Variants in UBAP2 observed in about 807,000 individuals in gnomAD.
The protein encoded by UBAP2 is ubiquitin associated protein 2.
A neutral mutation model predicts 139.6 loss-of-function variants in UBAP2; 75 were observed. That is an observed-to-expected ratio of 0.54 (90% CI 0.45 to 0.65). The LOEUF is 0.65. Ranked by LOEUF, UBAP2 falls within the 30% of genes least tolerant of loss-of-function variation. The pLI, the probability that UBAP2 is intolerant of heterozygous loss-of-function variation, is 0.00. For synonymous variants in UBAP2, 526 were observed against 526.2 expected, an observed-to-expected ratio of 1.00 and a Z score of 0.01; for missense variants, 1,368 against 1,369.6, an observed-to-expected ratio of 1.00 and a Z score of 0.02.
intron 8 of UBAP2, among the ~76,000 whole-genome samples, chr9:33,968,678 A>G (rs749951342): frequency 1.3e-5 from 2 of 152,212 alleles, no homozygotes; most frequent in Non-Finnish European, 2.9e-5. Context: ...TAATTTCTAT[A>G]TTTTTATATA....
chr9:33,957,483 G>T (rs1205323330), intron 10 of UBAP2, among the ~76,000 whole-genome samples: 1 of 152,102 alleles, frequency 6.6e-6, no homozygotes, highest in East Asian at 1.9e-4. Context: ...GCATTTTCTA[G>T]AATTTTAAAT....
At position 33,922,957 on chromosome 9, in the gene UBAP2, G is replaced by C; in HGVS notation, c.3072+9C>G. On this transcript the variant is annotated intron_variant, in intron 27 of 28. Transcript: ENST00000379238. ...AAACCTATACACCCAACCCACCTTT[G>C]TCCCTCACCTGTGTCTTATTGTAGA... is the stretch of plus-strand genomic sequence containing the variant. 4 of 1,614,156 alleles carry C rather than the reference G, an allele frequency of 2.5e-6. No homozygotes were observed. Among genetic ancestry groups the C allele is most frequent in the Non-Finnish European group, 8.5e-7 (1 of 1,180,012 alleles).
intron 8 of UBAP2, among the ~76,000 whole-genome samples, chr9:33,965,883 C>T (rs1042740439): frequency 7.2e-5 from 11 of 151,952 alleles, no homozygotes; most frequent in Admixed American, 7.2e-4. Context: ...CCCGTCTCTA[C>T]TAAAAATACA....
Position 33,996,333 on chromosome 9 carries a change from G to A in UBAP2, c.178C>T (p.Leu60Phe). The A allele has an allele frequency of 6.2e-7, 1 of 1,609,408 alleles. No homozygotes were observed. The highest frequency in any genetic ancestry group is 8.5e-7 in the Non-Finnish European group (1 of 1,176,876). The stretch of plus-strand genomic sequence containing the variant: ...TGATTTTTCCCTGTCACTTCCATAA[G>A]CTAGTGAACATATCAGAAAATGGTT... Reference protein sequence around the residue: ...DSDFEAKVKQLMEVTGKNQDE... With the variant: ...DSDFEAKVKQFMEVTGKNQDE... Residue 60 changes from leucine (L) to phenylalanine (F), a missense_variant and splice_region_variant, in exon 4 of 29, where the codon CTT (leucine) becomes TTT (phenylalanine). By Grantham distance (22) the Leu-to-Phe change is conservative. Coordinates refer to ENST00000379238, the MANE Select transcript of UBAP2 (RefSeq NM_001370062.2).
chr9:33,941,783 T>C lies in UBAP2; in HGVS notation c.1795A>G (p.Ser599Gly), dbSNP rs2058794332. The change falls in exon 16 of 29, where the codon AGT becomes GGT. Residue 599 changes from serine to glycine, a missense_variant. Transcript: ENST00000379238. ...GAATTCAGTGATGAGCTTGTCAGACTGCAGGAGGTAATGACGGAAGTTGTA... is the reference window on the plus strand; with the variant it reads ...GAATTCAGTGATGAGCTTGTCAGACCGCAGGAGGTAATGACGGAAGTTGTA... ...TYTTSVITSC[S>G]LTSSSLNSAS... The C allele has an allele frequency of 1.2e-6, 2 of 1,614,030 alleles. No homozygotes were observed. The highest frequency in any genetic ancestry group is 1.3e-5 in the African/African-American group (1 of 74,924).
chr9:34,040,717 T>C (rs1675255735), intron 1 of UBAP2, among the ~76,000 whole-genome samples: 1 of 152,208 alleles, frequency 6.6e-6, no homozygotes, highest in South Asian at 2.1e-4. Flanking sequence ...GGCAAGGATG[T>C]AGAACTCTTA....
intron 6 of UBAP2, among the ~76,000 whole-genome samples, chr9:33,984,542 G>A (rs1303116457): frequency 6.6e-6 from 1 of 151,716 alleles, no homozygotes; most frequent in African/African-American, 2.4e-5. Context: ...CAGGCATGGT[G>A]GGGCTCATGC....
At chr9:33,994,658 A>G (rs1017550152) in intron 4 of UBAP2, 3 of 147,924 alleles carry the variant, frequency 2.0e-5, no homozygotes, top group African/African-American at 7.4e-5. Context: ...ATCATATAAT[A>G]TGGTTTTCCC....
At chr9:34,011,827 G>A (rs1420982825) in intron 2 of UBAP2, among the ~76,000 whole-genome samples, 1 of 152,100 alleles carries the variant, frequency 6.6e-6, no homozygotes, top group African/African-American at 2.4e-5. Flanking sequence ...CTCTTCCTCT[G>A]GATCTCTTAC....
intron 2 of UBAP2, among the ~76,000 whole-genome samples, chr9:34,007,831 C>CG (rs1475650739): frequency 5.3e-5 from 8 of 151,664 alleles, no homozygotes; most frequent in Non-Finnish European, 1.0e-4. Flanking sequence ...ATAATAGAGT[C>CG]GGGGTTTCAC....
intron 2 of UBAP2, among the ~76,000 whole-genome samples, chr9:33,999,315 TA>T (rs1822482922): frequency 6.7e-6 from 1 of 148,752 alleles, no homozygotes; most frequent in Admixed American, 6.7e-5. Flanking sequence ...ATTTAATTTT[TA>T]AAAAGATTAA....
intron 13 of UBAP2, 80 bp from the exon 14 acceptor site, chr9:33,944,719 A>T: frequency 6.9e-7 from 1 of 1,458,444 alleles, no homozygotes; most frequent in Non-Finnish European, 9.3e-7. Flanking sequence ...TTCTATTACC[A>T]CCAATTTCTC....
intron 19 of UBAP2, 35 bp downstream of exon 19, chr9:33,932,527 A>C: frequency 3.7e-6 from 6 of 1,611,862 alleles, no homozygotes; most frequent in Non-Finnish European, 5.1e-6. Context: ...CTCCCCAAGC[A>C]TGGCGGAGGA....
chr9:33,986,988 G>C (rs1821273457), intron 5 of UBAP2, 151 bp from the exon 6 acceptor site: 1 of 714,504 alleles, frequency 1.4e-6, no homozygotes, highest in Non-Finnish European at 2.4e-6. Flanking sequence ...AAACAAAAGT[G>C]ACTTAAAAAC....
chr9:34,039,051 C>A (rs1156453820), intron 1 of UBAP2, among the ~76,000 whole-genome samples: 1 of 151,284 alleles, frequency 6.6e-6, no homozygotes, highest in Non-Finnish European at 1.5e-5. Flanking sequence ...CAGCAGCCGC[C>A]CCGTCTGGGA....
At chr9:34,006,411 A>G (rs2131227656) in intron 2 of UBAP2, among the ~76,000 whole-genome samples, 1 of 152,202 alleles carries the variant, frequency 6.6e-6, no homozygotes, top group South Asian at 2.1e-4. Flanking sequence ...CAGGTACAGC[A>G]GTTCACACCT....
At chr9:33,996,963 G>A (rs1337134785) in intron 3 of UBAP2, 1 of 152,160 alleles carries the variant, frequency 6.6e-6, no homozygotes, top group Non-Finnish European at 1.5e-5. Context: ...AGCCCTGGAG[G>A]TGAAGGTTGC....
intron 4 of UBAP2, 33 bp downstream of exon 4, chr9:33,996,190 T>C (rs760783245): frequency 6.5e-7 from 1 of 1,533,362 alleles, no homozygotes; most frequent in South Asian, 1.1e-5. Flanking sequence ...TGGAGACAAA[T>C]GTAAACAATG....
At position 33,965,929 on chromosome 9, in the gene UBAP2, G is replaced by C. The variant is rs574795620; in HGVS notation, c.680-2138C>G. 5.9e-5 allele frequency among the ~76,000 whole-genome samples: 9 copies of C among 152,076 alleles called. No homozygotes were observed. The East Asian group carries it at 1.7e-3, about 30-fold the overall frequency. ...CCAGGTGTGGTGGCGGGTGCCTGTA[G>C]TCCCAGGCACTTGGGGAGGCTGAGG... On this transcript the variant is annotated intron_variant, in intron 8 of 28. Coordinates refer to ENST00000379238, the MANE Select transcript of UBAP2 (RefSeq NM_001370062.2).
Sources: allele counts gnomAD v4.1 joint callset (sites outside exome capture counted in the v4.1 genomes callset), GRCh38; gene constraint gnomAD v4.1.1; transcripts MANE v1.5; gene names NCBI Gene and HGNC (gene_info 2026-07-23, HGNC 2026-07-21).